RPL7L1: variants seen among roughly 807,000 people sequenced by gnomAD.
RPL7L1 encodes ribosomal protein L7 like 1, also known as ribosomal protein uL30-like.
Under a neutral mutation model 30.3 loss-of-function variants are expected in RPL7L1, and 20 were observed. That is an observed-to-expected ratio of 0.66 (90% CI 0.46 to 0.96). The LOEUF (loss-of-function observed/expected upper bound fraction) is 0.96, where lower values mean the gene tolerates loss of function less well. Ranked by LOEUF, RPL7L1 falls within the 40% of genes least tolerant of loss-of-function variation. RPL7L1 has a pLI of 0.00. For synonymous variants in RPL7L1, 107 were observed against 110.1 expected (o/e 0.97, Z 0.18); for missense variants, 271 against 314.9 (o/e 0.86, Z 1.05).
At position 42,884,695 on chromosome 6, in the gene RPL7L1, G is replaced by T. The variant is rs1253806264; in HGVS notation, c.394G>T (p.Val132Phe). ...KKIFSGVFVK[V>F]TPQNLKMLRI... ...AATTTTTAGTGGTGTCTTTGTAAAA[G>T]TCACCCCCCAGAATCTAAAAATGCT... Residue 132 changes from valine (V) to phenylalanine (F), a missense_variant, in exon 4 of 6, where the codon GTC becomes TTC. Val to Phe is a conservative substitution (Grantham distance 50). Transcript: ENST00000493763. 1 of 1,614,054 alleles carries T rather than the reference G, an allele frequency of 6.2e-7. No homozygotes were observed. Among genetic ancestry groups the T allele is most frequent in the Non-Finnish European group, 8.5e-7 (1 of 1,180,000 alleles).
At position 42,888,037 on chromosome 6, in the gene RPL7L1, T is replaced by TC. The variant is rs1439559770; in HGVS notation, c.*1575dup. The stretch of plus-strand genomic sequence containing the variant: ...AACCTGAAACTGGCTTAGTACTTTT[T>TC]CCTAAAAGCTCAGGATTTGAGAATG... On this transcript the variant is annotated 3_prime_UTR_variant, in exon 6 of 6. Transcript: ENST00000493763. 1.3e-5 allele frequency: 2 copies of TC among 151,382 alleles called. No individual in the cohort carries two copies. The highest frequency in any genetic ancestry group is 4.9e-5 in the African/African-American group (2 of 41,100). 9.4% of individuals were successfully genotyped at this position (151,382 alleles called of 1,614,324 possible). A position where few individuals can be genotyped will look rare whatever the true frequency, so the allele number is the denominator to read the frequency against.
At chr6:42,885,447 C>G (rs11759058) in intron 4 of RPL7L1, 29,725 of 153,982 alleles carry the variant, frequency 0.19, 3,072 homozygotes, top group Middle Eastern at 0.27. Flanking sequence ...AGCCTGGCAC[C>G]TGTAGTCCCA....
chr6:42,880,605 C>T (rs773319036), intron 1 of RPL7L1: 76 of 335,978 alleles, frequency 2.3e-4, no homozygotes, highest in Non-Finnish European at 3.8e-4. Context: ...CTCCGCCTCC[C>T]GGGTTCAAGC....
At chr6:42,884,189 T>A (rs1355421237) in intron 3 of RPL7L1, among the ~76,000 whole-genome samples, 2 of 152,210 alleles carry the variant, frequency 1.3e-5, no homozygotes, top group Non-Finnish European at 2.9e-5. Context: ...CCTGAACTAT[T>A]GTATTAACCT....
chr6:42,885,154 C>G (rs979997773), intron 4 of RPL7L1, among the ~76,000 whole-genome samples: 23 of 152,122 alleles, frequency 1.5e-4, no homozygotes, highest in Non-Finnish European at 2.2e-4. Context: ...TGAGACCATC[C>G]TGGCCAACAT....
At chr6:42,880,537 G>C (rs769193844) in intron 1 of RPL7L1, 3 of 242,178 alleles carry the variant, frequency 1.2e-5, no homozygotes, top group Non-Finnish European at 2.4e-5. Context: ...TTTTGAGACG[G>C]AGTCTTGCTC....
Position 42,887,473 on chromosome 6 carries a change from C to T in RPL7L1, c.*1009C>T, listed in dbSNP as rs1464432112. 10 of 152,062 alleles carry T rather than the reference C, an allele frequency of 6.6e-5. No homozygotes were observed. The highest frequency in any genetic ancestry group is 2.2e-4 in the African/African-American group (9 of 41,466). 9.4% of individuals were successfully genotyped at this position (152,062 alleles called of 1,614,324 possible). A position where few individuals can be genotyped will look rare whatever the true frequency, so the allele number is the denominator to read the frequency against. On this transcript the variant is annotated 3_prime_UTR_variant, in exon 6 of 6. Coordinates refer to ENST00000493763, the MANE Select transcript of RPL7L1 (RefSeq NM_001366481.3). ...TGGCACGTGCCTGTAATCCCAGCTA[C>T]TCAGGAGGCTGAGGCAGGAGAATCG...
chr6:42,886,497 G>T lies in RPL7L1; in HGVS notation c.*33G>T. ...TGAGGCAGGGCTGAAAACTGCCCTT[G>T]GGCTGACTTTTGATAGGCCATGCCT... On this transcript the variant is annotated 3_prime_UTR_variant, in exon 6 of 6. Transcript: ENST00000493763. The T allele has an allele frequency of 2.7e-6, 3 of 1,100,184 alleles. No homozygotes were observed. The allele number at this position is 1,100,184 out of a possible 1,614,324, so 68.2% of individuals were successfully genotyped here.
chr6:42,881,198 G>C, intron 2 of RPL7L1: 1 of 314,756 alleles, frequency 3.2e-6, no homozygotes, highest in South Asian at 3.0e-5. Flanking sequence ...GGGCGCGGTG[G>C]CTCACGCCTG....
chr6:42,883,758 C>T (rs970119593), intron 3 of RPL7L1, 144 bp downstream of exon 3: 1 of 603,706 alleles, frequency 1.7e-6, no homozygotes, highest in Middle Eastern at 3.6e-4. Flanking sequence ...ATTTAGTCTG[C>T]AATATTTGGA....
rs1386996249 is a variant in RPL7L1 at position 42,880,923 on chromosome 6, T to G, written c.104T>G (p.Leu35Arg). 1 of 1,608,100 alleles carries G rather than the reference T, an allele frequency of 6.2e-7. No individual in the cohort carries two copies. The change falls in exon 2 of 6, where the codon CTC (leucine) becomes CGC (arginine). Residue 35 changes from leucine to arginine, a missense_variant. Physicochemically the swap from Leu to Arg is moderately radical, Grantham distance 102. Coordinates refer to ENST00000493763, the MANE Select transcript of RPL7L1 (RefSeq NM_001366481.3). Reference sequence around the variant, plus strand: ...AAAAAGAGGAAGGCTTATCAAGCCCTCAAAGCCACCCAGGCAAAGCAGGCA... The same window carrying G: ...AAAAAGAGGAAGGCTTATCAAGCCCGCAAAGCCACCCAGGCAAAGCAGGCA... Reference protein sequence around the residue: ...LLKKRKAYQALKATQAKQALL... With the variant: ...LLKKRKAYQARKATQAKQALL...
Position 42,886,487 on chromosome 6 carries a change from A to G in RPL7L1, c.*23A>G, listed in dbSNP as rs1456696554. On this transcript the variant is annotated 3_prime_UTR_variant, in exon 6 of 6. Transcript: ENST00000493763. ...TAGACCCAGGTGAGGCAGGGCTGAA[A>G]ACTGCCCTTGGGCTGACTTTTGATA... The G allele has an allele frequency of 3.2e-6, 4 of 1,250,668 alleles. No individual in the cohort carries two copies. In the African/African-American group the frequency reaches 5.9e-5, roughly 18 times the overall value. 77.5% of individuals were successfully genotyped at this position (1,250,668 alleles called of 1,614,324 possible).
At position 42,889,697 on chromosome 6, in the gene RPL7L1, C is replaced by T. The variant is rs1766402817; in HGVS notation, c.*3233C>T. 1 of 152,218 alleles carries T rather than the reference C, an allele frequency of 6.6e-6. No homozygotes were observed. Among genetic ancestry groups the T allele is most frequent in the Non-Finnish European group, 1.5e-5 (1 of 68,042 alleles). 9.4% of individuals were successfully genotyped at this position (152,218 alleles called of 1,614,324 possible). A position where few individuals can be genotyped will look rare whatever the true frequency, so the allele number is the denominator to read the frequency against. On this transcript the variant is annotated 3_prime_UTR_variant, in exon 6 of 6. Coordinates refer to ENST00000493763, the MANE Select transcript of RPL7L1 (RefSeq NM_001366481.3). ...TTCCACTCTGTCCATAAAATGGGAGCTAATATTCTCCAACCTGTGTGCCTG... is the reference window on the plus strand; with the variant it reads ...TTCCACTCTGTCCATAAAATGGGAGTTAATATTCTCCAACCTGTGTGCCTG...
rs761620887 is a variant in RPL7L1 at position 42,884,697 on chromosome 6, C to T, written c.396C>T (p.Val132=). 1 of 1,613,930 alleles carries T rather than the reference C, an allele frequency of 6.2e-7. No homozygotes were observed. Among genetic ancestry groups the T allele is most frequent in the African/African-American group, 1.3e-5 (1 of 74,912 alleles). Residue 132 remains valine (V), a synonymous_variant, in exon 4 of 6, where the codon GTC becomes GTT. Coordinates refer to ENST00000493763, the MANE Select transcript of RPL7L1 (RefSeq NM_001366481.3). ...KKIFSGVFVK[V]TPQNLKMLRI... ...TTTTTAGTGGTGTCTTTGTAAAAGT[C>T]ACCCCCCAGAATCTAAAAATGCTGC...
chr6:42,879,711 G>C lies in RPL7L1; in HGVS notation c.-200G>C, dbSNP rs1031405213. The C allele has an allele frequency of 7.1e-6, 4 of 559,530 alleles. No homozygotes were observed. The Admixed American group carries it at 1.2e-4, about 17-fold the overall frequency. 34.7% of individuals were successfully genotyped at this position (559,530 alleles called of 1,614,324 possible). The stretch of plus-strand genomic sequence containing the variant: ...TGAAACTGTAACTTACAAGAAAAGG[G>C]CTGGGTTTTGAAAATAACACAGGCT... On this transcript the variant is annotated 5_prime_UTR_variant, in exon 1 of 6. Transcript: ENST00000493763.
At position 42,888,963 on chromosome 6, in the gene RPL7L1, A is replaced by T. The variant is rs1258441172; in HGVS notation, c.*2499A>T. The stretch of plus-strand genomic sequence containing the variant: ...AGTGGGTCTTCCTGCTATTCTCTTC[A>T]CTTAGTTGCCCCTCACTTGCCATCT... On this transcript the variant is annotated 3_prime_UTR_variant, in exon 6 of 6. Coordinates refer to ENST00000493763, the MANE Select transcript of RPL7L1 (RefSeq NM_001366481.3). 6.6e-6 allele frequency: 1 copy of T among 151,912 alleles called. No homozygotes were observed. The highest frequency in any genetic ancestry group is 6.6e-5 in the Admixed American group (1 of 15,254). 9.4% of individuals were successfully genotyped at this position (151,912 alleles called of 1,614,324 possible). A position where few individuals can be genotyped will look rare whatever the true frequency, so the allele number is the denominator to read the frequency against.
At chr6:42,881,077 G>C (rs993412300) in intron 2 of RPL7L1, 111 bp downstream of exon 2, 71 of 673,892 alleles carry the variant, frequency 1.1e-4, no homozygotes, top group Non-Finnish European at 7.7e-5. Context: ...CGGTTTGACA[G>C]ACCAGGTATA....
intron 5 of RPL7L1, 45 bp downstream of exon 5, chr6:42,886,128 T>C (rs1766256663): frequency 4.3e-6 from 6 of 1,402,588 alleles, no homozygotes; most frequent in Non-Finnish European, 6.1e-6. Flanking sequence ...AAAGCCAGGG[T>C]CTTTGAAGCT....
chr6:42,883,841 C>T (rs1766168265), intron 3 of RPL7L1: 1 of 271,802 alleles, frequency 3.7e-6, no homozygotes, highest in Non-Finnish European at 6.9e-6. Flanking sequence ...GGGTTGAGGA[C>T]ACCCTCTCTA....
Sources: allele counts gnomAD v4.1 joint callset (sites outside exome capture counted in the v4.1 genomes callset), GRCh38; gene constraint gnomAD v4.1.1; transcripts MANE v1.5; gene names NCBI Gene and HGNC (gene_info 2026-07-23, HGNC 2026-07-21).